PEX14: variants seen among roughly 807,000 people sequenced by gnomAD.
PEX14 encodes peroxisomal biogenesis factor 14.
PEX14 carries 15 observed loss-of-function variants against 49.5 expected under a neutral mutation model. That is an observed-to-expected ratio of 0.30 (90% CI 0.20 to 0.47). PEX14 has a LOEUF of 0.47. Among genes scored for constraint, PEX14 ranks in the 20% least tolerant of loss-of-function variants. The pLI, the probability that PEX14 is intolerant of heterozygous loss-of-function variation, is 1.00. For missense variants in PEX14, 398 were observed against 494.8 expected, an observed-to-expected ratio of 0.80 and a Z score of 1.86; for synonymous variants, 210 against 212.7, an observed-to-expected ratio of 0.99 and a Z score of 0.11.
intron 3 of PEX14, among the ~76,000 whole-genome samples, chr1:10,548,449 T>C (rs1639238866): frequency 6.6e-6 from 1 of 152,198 alleles, no homozygotes; most frequent in African/African-American, 2.4e-5. Context: ...AAAAACATTT[T>C]ATGTTGATTG....
At chr1:10,527,442 G>A (rs766754189) in intron 2 of PEX14, among the ~76,000 whole-genome samples, 1 of 150,622 alleles carries the variant, frequency 6.6e-6, no homozygotes, top group Non-Finnish European at 1.5e-5. Flanking sequence ...GCTTGAACCC[G>A]GGAGGTGGAG....
At chr1:10,535,995 T>TA (rs1638791731) in intron 2 of PEX14, 1 of 542,390 alleles carries the variant, frequency 1.8e-6, no homozygotes, top group African/African-American at 1.9e-5. Flanking sequence ...GCAGAGGGAT[T>TA]AGATTTGACA....
chr1:10,610,321 T>C (rs1442200240), intron 4 of PEX14, among the ~76,000 whole-genome samples: 1 of 147,706 alleles, frequency 6.8e-6, no homozygotes, highest in Non-Finnish European at 1.5e-5. Flanking sequence ...TTATTATATA[T>C]TTATATATAT....
At chr1:10,493,468 C>G (rs1461358926) in intron 1 of PEX14, among the ~76,000 whole-genome samples, 3 of 152,130 alleles carry the variant, frequency 2.0e-5, no homozygotes, top group African/African-American at 7.2e-5. Context: ...GGCTCTGTCA[C>G]CTGGGCTGGA....
intron 4 of PEX14, among the ~76,000 whole-genome samples, chr1:10,602,973 C>G (rs573444719): frequency 6.6e-6 from 1 of 152,350 alleles, no homozygotes; most frequent in East Asian, 1.9e-4. Context: ...GGCCTAGCCC[C>G]AAACACTCAG....
Position 10,612,069 on chromosome 1 carries a change from T to C in PEX14, c.299-6263T>C, listed in dbSNP as rs531892896. On this transcript the variant is annotated intron_variant, in intron 4 of 8. Coordinates refer to ENST00000356607, the MANE Select transcript of PEX14 (RefSeq NM_004565.3). ...AAGATGTTTTTGTTTACCCCAAGGT[T>C]GCAAAGATTTTCTTCTATGTTTTCT... 2.0e-5 allele frequency among the ~76,000 whole-genome samples: 3 copies of C among 152,344 alleles called. No homozygotes were observed. The South Asian group carries it at 6.2e-4, about 32-fold the overall frequency.
intron 4 of PEX14, 45 bp from the exon 5 acceptor site, chr1:10,618,287 G>C: frequency 6.6e-7 from 1 of 1,509,088 alleles, no homozygotes. Flanking sequence ...CCCGAAGAAG[G>C]ACGCCATGTG....
chr1:10,618,388 A>AT lies in PEX14; in HGVS notation c.357dup (p.Ala120CysfsTer35). On this transcript the variant is annotated frameshift_variant, in exon 5 of 9. Transcript: ENST00000356607. LOFTEE classifies it high-confidence loss of function. ...CGCCCTGGCCATCATCATGGCAGGC[A>AT]TTGCATTTGGCTTTCACCAGCTCTA... is the stretch of plus-strand genomic sequence containing the variant. 1 of 1,613,874 alleles carries AT rather than the reference A, an allele frequency of 6.2e-7. No homozygotes were observed. The highest frequency in any genetic ancestry group is 8.5e-7 in the Non-Finnish European group (1 of 1,179,996).
chr1:10,596,330 A>T lies in PEX14; in HGVS notation c.170-2908A>T, dbSNP rs564842941. Among the ~76,000 whole-genome samples, 7 of 152,392 alleles carry T rather than the reference A, an allele frequency of 4.6e-5. No homozygotes were observed. The East Asian group carries it at 1.3e-3, about 29-fold the overall frequency. Reference sequence around the variant, plus strand: ...ATTAGAACGAGAACAAGATGAGGACATTCTACCTTTTTCTCTCTAGTATTG... The same window carrying T: ...ATTAGAACGAGAACAAGATGAGGACTTTCTACCTTTTTCTCTCTAGTATTG... On this transcript the variant is annotated intron_variant, in intron 3 of 8. Coordinates refer to ENST00000356607, the MANE Select transcript of PEX14 (RefSeq NM_004565.3).
intron 2 of PEX14, among the ~76,000 whole-genome samples, chr1:10,509,244 G>A (rs1434796205): frequency 6.6e-6 from 1 of 152,148 alleles, no homozygotes. Context: ...CACCGCGCCC[G>A]GCAAAGGCAT....
chr1:10,520,484 A>G (rs1177466426), intron 2 of PEX14, among the ~76,000 whole-genome samples: 3 of 151,986 alleles, frequency 2.0e-5, no homozygotes, highest in Non-Finnish European at 4.4e-5. Flanking sequence ...TACTTCCCTT[A>G]TGGTGGCCAC....
intron 3 of PEX14, among the ~76,000 whole-genome samples, chr1:10,567,485 G>T (rs12033275): frequency 0.16 from 23,707 of 152,056 alleles, 2,124 homozygotes; most frequent in South Asian, 0.31. Flanking sequence ...AGCTTGCCCA[G>T]TAAAAAATGA....
At chr1:10,590,313 A>G (rs955417378) in intron 3 of PEX14, among the ~76,000 whole-genome samples, 1 of 152,248 alleles carries the variant, frequency 6.6e-6, no homozygotes, top group Non-Finnish European at 1.5e-5. Context: ...TTAAAGATGT[A>G]AAGAACTAAA....
At position 10,569,433 on chromosome 1, in the gene PEX14, C is replaced by T. The variant is rs78502599; in HGVS notation, c.170-29805C>T. On this transcript the variant is annotated intron_variant, in intron 3 of 8. Transcript: ENST00000356607. ...TGTTTTCTTGGTGCCATTTCTGGAG[C>T]CCTCTGCCCGCCCTCCCACTGCAGT... is the stretch of plus-strand genomic sequence containing the variant. 9.4e-3 allele frequency among the ~76,000 whole-genome samples: 1,434 copies of T among 152,288 alleles called. 27 individuals carry two copies. The highest frequency in any genetic ancestry group is 0.033 in the African/African-American group (1,357 of 41,556).
chr1:10,625,890 C>T (rs563121395), intron 7 of PEX14, among the ~76,000 whole-genome samples: 9 of 152,186 alleles, frequency 5.9e-5, no homozygotes, highest in Admixed American at 2.6e-4. Context: ...GCTTTGCTGC[C>T]GCTGTCCCTG....
intron 3 of PEX14, among the ~76,000 whole-genome samples, chr1:10,592,950 TC>T (rs1640714524): frequency 6.6e-6 from 1 of 152,184 alleles, no homozygotes; most frequent in African/African-American, 2.4e-5. Context: ...AGTTTTTACA[TC>T]CCTCTTTGCC....
intron 1 of PEX14, among the ~76,000 whole-genome samples, chr1:10,482,608 A>G (rs906400219): frequency 6.6e-6 from 1 of 150,480 alleles, no homozygotes; most frequent in Non-Finnish European, 1.5e-5. Context: ...TAATTTTTGT[A>G]TTTTTAGTAG....
At position 10,623,379 on chromosome 1, in the gene PEX14, A is replaced by C. The variant is rs1256752775; in HGVS notation, c.487+258A>C. ...CTCAGAATATTAATAAGGGGAATAAAATGACAGCCTTTCTAAGGGCTGTAA... is the reference window on the plus strand; with the variant it reads ...CTCAGAATATTAATAAGGGGAATAACATGACAGCCTTTCTAAGGGCTGTAA... On this transcript the variant is annotated intron_variant, in intron 6 of 8. Coordinates refer to ENST00000356607, the MANE Select transcript of PEX14 (RefSeq NM_004565.3). The surrounding 1 kb of genome is among the most constrained non-coding windows in gnomAD (Gnocchi z 4.4). The C allele has an allele frequency of 4.6e-6, 2 of 438,862 alleles. No individual in the cohort carries two copies. Among genetic ancestry groups the C allele is most frequent in the Non-Finnish European group, 8.5e-6 (2 of 234,984 alleles). The allele number at this position is 438,862 out of a possible 1,614,324, so 27.2% of individuals were successfully genotyped here.
intron 3 of PEX14, among the ~76,000 whole-genome samples, chr1:10,585,555 GA>G (rs1342700299): frequency 6.6e-6 from 1 of 152,204 alleles, no homozygotes; most frequent in Non-Finnish European, 1.5e-5. Context: ...TCAAGTGATG[GA>G]AAAAGATACA....
Sources: allele counts gnomAD v4.1 joint callset (sites outside exome capture counted in the v4.1 genomes callset), GRCh38; gene constraint gnomAD v4.1.1; non-coding constraint Gnocchi (gnomAD v3.1); transcripts MANE v1.5; gene names NCBI Gene and HGNC (gene_info 2026-07-23, HGNC 2026-07-21).